C9orf153: variants seen among roughly 807,000 people sequenced by gnomAD.
C9orf153 encodes the protein uncharacterized protein C9orf153.
Under a neutral mutation model 9.0 loss-of-function variants are expected in C9orf153, and 10 were observed. That is an observed-to-expected ratio of 1.11 (90% CI 0.69 to 1.89). The LOEUF (loss-of-function observed/expected upper bound fraction) is 1.89. Among genes scored for constraint, C9orf153 ranks in the 40% most tolerant of loss-of-function variants. The pLI is 0.00. For missense variants in C9orf153, 108 were observed against 111.0 expected (o/e 0.97, Z 0.12); for synonymous variants, 35 against 37.3 (o/e 0.94, Z 0.23).
chr9:86,221,505 C>T lies in C9orf153; in HGVS notation c.*183G>A. 7.4e-7 allele frequency: 1 copy of T among 1,357,920 alleles called. No individual in the cohort carries two copies. The highest frequency in any genetic ancestry group is 2.0e-5 in the South Asian group (1 of 51,184). 84.1% of individuals were successfully genotyped at this position (1,357,920 alleles called of 1,614,324 possible). A position where few individuals can be genotyped will look rare whatever the true frequency, so the allele number is the denominator to read the frequency against. ...AAATATTTTAATACACTACATATTC[C>T]ATTTAAGAGAATAACTTCCTTCATT... On this transcript the variant is annotated 3_prime_UTR_variant, in exon 4 of 4. Coordinates refer to ENST00000339137, the MANE Select transcript of C9orf153 (RefSeq NM_001276366.4).
At chr9:86,254,576 GA>G (rs1461698123) in intron 1 of C9orf153, among the ~76,000 whole-genome samples, 1 of 152,192 alleles carries the variant, frequency 6.6e-6, no homozygotes, top group Admixed American at 6.5e-5. Flanking sequence ...TGATACTTCA[GA>G]AACTCTAGAA....
At chr9:86,236,100 A>C (rs1824580204) in intron 1 of C9orf153, among the ~76,000 whole-genome samples, 1 of 152,178 alleles carries the variant, frequency 6.6e-6, no homozygotes, top group African/African-American at 2.4e-5. Context: ...ATTAAAAGTA[A>C]TTATTTGCTA....
At chr9:86,233,821 G>A (rs10868397) in intron 1 of C9orf153, among the ~76,000 whole-genome samples, 43,354 of 151,992 alleles carry the variant, frequency 0.29, 9,394 homozygotes, top group African/African-American at 0.6. Context: ...GCGGTGACTG[G>A]CGCCTGTAAT....
At chr9:86,245,693 C>T (rs1228858495) in intron 1 of C9orf153, among the ~76,000 whole-genome samples, 1 of 152,174 alleles carries the variant, frequency 6.6e-6, no homozygotes, top group African/African-American at 2.4e-5. Flanking sequence ...TGTATGCTTC[C>T]TATTTTTAGT....
At chr9:86,225,977 A>G (rs192519816) in intron 3 of C9orf153, among the ~76,000 whole-genome samples, 1 of 152,218 alleles carries the variant, frequency 6.6e-6, no homozygotes, top group Non-Finnish European at 1.5e-5. Context: ...TACATGTGAA[A>G]GTCATAAATG....
chr9:86,251,336 AGAGTCT>A (rs1238877578), intron 1 of C9orf153, among the ~76,000 whole-genome samples: 1 of 152,198 alleles, frequency 6.6e-6, no homozygotes, highest in East Asian at 1.9e-4. Flanking sequence ...AACTTTCGTT[AGAGTCT>A]ATGTTTCTAA....
chr9:86,250,640 T>C (rs954482187), intron 1 of C9orf153, among the ~76,000 whole-genome samples: 1 of 152,236 alleles, frequency 6.6e-6, no homozygotes, highest in Non-Finnish European at 1.5e-5. Context: ...GTAAGACATT[T>C]GAATAATGTG....
At chr9:86,248,563 T>C (rs1037494110) in intron 1 of C9orf153, among the ~76,000 whole-genome samples, 1 of 152,204 alleles carries the variant, frequency 6.6e-6, no homozygotes, top group South Asian at 2.1e-4. Flanking sequence ...TAGAGAATGT[T>C]GAATGCTGAG....
At chr9:86,241,840 G>A (rs1824751351) in intron 1 of C9orf153, among the ~76,000 whole-genome samples, 1 of 152,098 alleles carries the variant, frequency 6.6e-6, no homozygotes, top group African/African-American at 2.4e-5. Flanking sequence ...TGGTCAGGCT[G>A]GTCTTGAACT....
At chr9:86,254,386 T>C (rs1403786368) in intron 1 of C9orf153, among the ~76,000 whole-genome samples, 1 of 152,208 alleles carries the variant, frequency 6.6e-6, no homozygotes, top group Admixed American at 6.5e-5. Flanking sequence ...CTGCTCTTTA[T>C]TAGAGCTCTG....
chr9:86,253,252 C>T (rs1372709425), intron 1 of C9orf153, among the ~76,000 whole-genome samples: 1 of 152,222 alleles, frequency 6.6e-6, no homozygotes, highest in Non-Finnish European at 1.5e-5. Flanking sequence ...TTTGAGGAAT[C>T]ATGGTTGACT....
chr9:86,227,477 G>T, intron 3 of C9orf153: 1 of 1,397,516 alleles, frequency 7.2e-7, no homozygotes. Flanking sequence ...GACCATTTCT[G>T]CTCTAGTAAA....
intron 1 of C9orf153, among the ~76,000 whole-genome samples, chr9:86,240,540 G>A (rs945944963): frequency 3.3e-5 from 5 of 151,534 alleles, no homozygotes; most frequent in Admixed American, 2.6e-4. Flanking sequence ...ACCACGCCCG[G>A]CTAATGTTTG....
At chr9:86,254,049 C>T (rs1001336598) in intron 1 of C9orf153, among the ~76,000 whole-genome samples, 2 of 149,076 alleles carry the variant, frequency 1.3e-5, no homozygotes, top group Non-Finnish European at 3.0e-5. Flanking sequence ...CGAGATTGCG[C>T]CATTGCACTC....
intron 1 of C9orf153, among the ~76,000 whole-genome samples, chr9:86,239,774 A>G (rs1824691275): frequency 6.6e-6 from 1 of 152,240 alleles, no homozygotes; most frequent in African/African-American, 2.4e-5. Context: ...TCTTAGGTAA[A>G]TTATACCTAA....
At chr9:86,259,314 C>G (rs2131214839) in intron 1 of C9orf153, among the ~76,000 whole-genome samples, 1 of 152,252 alleles carries the variant, frequency 6.6e-6, no homozygotes. Flanking sequence ...AGTCTGCAGG[C>G]TCGGCCCGAT....
At chr9:86,238,486 A>C (rs1227996478) in intron 1 of C9orf153, among the ~76,000 whole-genome samples, 1 of 152,238 alleles carries the variant, frequency 6.6e-6, no homozygotes, top group Non-Finnish European at 1.5e-5. Context: ...GAAAGCTGGA[A>C]ATTTTCAAAA....
chr9:86,239,415 T>C (rs1282530086), intron 1 of C9orf153, among the ~76,000 whole-genome samples: 2 of 152,100 alleles, frequency 1.3e-5, no homozygotes, highest in Non-Finnish European at 2.9e-5. Flanking sequence ...AAAAGACACA[T>C]TTTCAGATCA....
At chr9:86,224,590 C>A (rs749677640) in intron 3 of C9orf153, among the ~76,000 whole-genome samples, 1 of 151,732 alleles carries the variant, frequency 6.6e-6, no homozygotes, top group African/African-American at 2.4e-5. Flanking sequence ...TACACAGATT[C>A]GATCACTATA....
Sources: allele counts gnomAD v4.1 joint callset (sites outside exome capture counted in the v4.1 genomes callset), GRCh38; gene constraint gnomAD v4.1.1; transcripts MANE v1.5; gene names NCBI Gene and HGNC (gene_info 2026-07-23, HGNC 2026-07-21).